KIAA1217: variants seen among roughly 807,000 people sequenced by gnomAD.
The protein encoded by KIAA1217 is sickle tail protein homolog.
KIAA1217 carries 88 observed loss-of-function variants against 163.9 expected under a neutral mutation model. The ratio of observed to expected loss-of-function variants is 0.54; its 90% CI spans 0.45 to 0.64. KIAA1217 has a LOEUF of 0.64. KIAA1217 is among the 30% of genes least tolerant of loss of function. The pLI, the probability that KIAA1217 is intolerant of heterozygous loss-of-function variation, is 0.00. For missense variants in KIAA1217, 2,372 were observed against 2,475.0 expected (o/e 0.96, Z 0.88); for synonymous variants, 903 against 923.1 (o/e 0.98, Z 0.39).
chr10:24,533,955 T>C (rs75936496), intron 16 of KIAA1217, among the ~76,000 whole-genome samples: 8,041 of 152,304 alleles, frequency 0.053, 287 homozygotes, highest in Non-Finnish European at 0.081. Flanking sequence ...ATCAGAGACA[T>C]ATAAACAATT....
intron 1 of KIAA1217, among the ~76,000 whole-genome samples, chr10:23,988,868 A>G (rs911908048): frequency 6.6e-6 from 1 of 152,220 alleles, no homozygotes; most frequent in Non-Finnish European, 1.5e-5. Context: ...CCTTGTCACA[A>G]TGATTTGTGA....
rs373416621 is a variant in KIAA1217, at chr10:24,543,258, G to A, written c.3988G>A (p.Val1330Met). The A allele has an allele frequency of 1.9e-5, 30 of 1,613,736 alleles. No individual in the cohort carries two copies. The highest frequency in any genetic ancestry group is 6.7e-5 in the East Asian group (3 of 44,838). ...TCACACTAGACTAACAGAATCAAGC[G>A]TGCATGATTTTAAAACAGAAGATCA... ...SSHTRLTESS[V>M]HDFKTEDQEV... is the part of the protein sequence containing the mutation. Residue 1330 changes from valine to methionine, a missense_variant, in exon 19 of 21, where the codon GTG (valine) becomes ATG (methionine). Physicochemically the swap from Val to Met is conservative, Grantham distance 21 (BLOSUM62 1). Transcript: ENST00000376454.
chr10:23,778,271 A>G (rs946469936), intron 1 of KIAA1217, among the ~76,000 whole-genome samples: 1 of 152,100 alleles, frequency 6.6e-6, no homozygotes. Flanking sequence ...AGGTAGACGC[A>G]CCAGTTGCTG....
At position 24,181,637 on chromosome 10, in the gene KIAA1217, C is replaced by G. The variant is rs180826196; in HGVS notation, c.-170-37989C>G. ...GTTCTAGAAGGTAACAAGAATGTAC[C>G]TGGAAAAATAATTAAGGGACATAAT... On this transcript the variant is annotated intron_variant, in intron 2 of 18. Transcript: ENST00000376462. 3.9e-5 allele frequency among the ~76,000 whole-genome samples: 6 copies of G among 152,144 alleles called. No individual in the cohort carries two copies. In the East Asian group the frequency reaches 1.2e-3, roughly 29 times the overall value.
At chr10:24,537,456 A>T (rs903636240) in intron 17 of KIAA1217, among the ~76,000 whole-genome samples, 1 of 151,970 alleles carries the variant, frequency 6.6e-6, no homozygotes, top group Non-Finnish European at 1.5e-5. Flanking sequence ...GGACACCTCT[A>T]TTCTCAGCTA....
intron 2 of KIAA1217, among the ~76,000 whole-genome samples, chr10:24,019,082 A>T (rs1340633489): frequency 6.6e-6 from 1 of 152,010 alleles, no homozygotes; most frequent in Non-Finnish European, 1.5e-5. Flanking sequence ...AAAAGGTACA[A>T]AGTTTCAGTT....
At chr10:23,858,995 A>G (rs1360607564) in intron 1 of KIAA1217, among the ~76,000 whole-genome samples, 1 of 152,230 alleles carries the variant, frequency 6.6e-6, no homozygotes, top group Non-Finnish European at 1.5e-5. Context: ...AAATGCAGGA[A>G]GAAATTTAAA....
At chr10:24,292,635 A>G (rs1237680422) in intron 2 of KIAA1217, among the ~76,000 whole-genome samples, 1 of 152,194 alleles carries the variant, frequency 6.6e-6, no homozygotes, top group Non-Finnish European at 1.5e-5. Context: ...CTATGGAATT[A>G]CATTTATAGC....
intron 1 of KIAA1217, among the ~76,000 whole-genome samples, chr10:23,962,834 G>A (rs1844874587): frequency 1.3e-5 from 2 of 152,128 alleles, no homozygotes; most frequent in South Asian, 4.1e-4. Context: ...ATATTTTTTA[G>A]AACGGAACAT....
chr10:24,104,782 AT>A (rs1362375671), intron 2 of KIAA1217, among the ~76,000 whole-genome samples: 1 of 152,144 alleles, frequency 6.6e-6, no homozygotes, highest in African/African-American at 2.4e-5. Context: ...GACTTTCTGG[AT>A]TTTCTGCTCA....
At chr10:23,739,012 A>G (rs1173618244) in intron 1 of KIAA1217, among the ~76,000 whole-genome samples, 1 of 152,224 alleles carries the variant, frequency 6.6e-6, no homozygotes, top group Admixed American at 6.5e-5. Context: ...GAGAAGGTAA[A>G]GAATGATTGG....
At chr10:24,010,444 A>T (rs1467209948) in intron 2 of KIAA1217, among the ~76,000 whole-genome samples, 3 of 151,882 alleles carry the variant, frequency 2.0e-5, no homozygotes, top group African/African-American at 7.2e-5. Flanking sequence ...AAGTTTTTTG[A>T]AAGTCAGAAA....
At chr10:24,156,968 T>A (rs1337654578) in intron 2 of KIAA1217, among the ~76,000 whole-genome samples, 1 of 152,214 alleles carries the variant, frequency 6.6e-6, no homozygotes, top group Non-Finnish European at 1.5e-5. Flanking sequence ...TGTCTTAACA[T>A]ACCTGATTAA....
intron 5 of KIAA1217, among the ~76,000 whole-genome samples, chr10:24,458,529 G>T (rs2062033123): frequency 6.6e-6 from 1 of 152,084 alleles, no homozygotes; most frequent in African/African-American, 2.4e-5. Context: ...AGGATTCAAA[G>T]GTCAGACCTC....
chr10:24,105,672 C>T (rs1334721565), intron 2 of KIAA1217, among the ~76,000 whole-genome samples: 1 of 152,170 alleles, frequency 6.6e-6, no homozygotes, highest in Non-Finnish European at 1.5e-5. Context: ...TCCTTCTGAG[C>T]AGAATAGTTG....
intron 2 of KIAA1217, among the ~76,000 whole-genome samples, chr10:24,094,868 G>C (rs1184254695): frequency 6.6e-6 from 1 of 152,166 alleles, no homozygotes; most frequent in Non-Finnish European, 1.5e-5. Flanking sequence ...AGGCTTTCTT[G>C]AGCTGTGGTG....
intron 5 of KIAA1217, among the ~76,000 whole-genome samples, chr10:24,462,514 G>T (rs1029788070): frequency 1.1e-4 from 17 of 152,200 alleles, no homozygotes; most frequent in South Asian, 6.2e-4. Flanking sequence ...GCAAACAACC[G>T]AGGAAGCTGG....
At chr10:24,322,737 A>G (rs920528639) in intron 2 of KIAA1217, among the ~76,000 whole-genome samples, 2 of 151,968 alleles carry the variant, frequency 1.3e-5, no homozygotes, top group Admixed American at 6.6e-5. Flanking sequence ...TCTGCGTCTC[A>G]CCTTGCAGGG....
chr10:24,422,513 C>T lies in KIAA1217; in HGVS notation c.554-10482C>T, dbSNP rs187131403. Among the ~76,000 whole-genome samples the T allele has an allele frequency of 7.9e-3, 1,199 of 152,282 alleles. 21 individuals carry two copies. The highest frequency in any genetic ancestry group is 0.028 in the African/African-American group (1,146 of 41,546). On this transcript the variant is annotated intron_variant, in intron 3 of 20. Coordinates refer to ENST00000376454, the MANE Select transcript of KIAA1217 (RefSeq NM_019590.5). ...GACTCAACTGATGTTGCTACAAGTT[C>T]TGTTGTGACTTTACATTATAGCTTC...
Sources: gnomAD v4.1 joint callset for allele counts (sites outside exome capture counted in the v4.1 genomes callset) on GRCh38, gnomAD v4.1.1 for gene constraint, MANE v1.5 for transcripts, NCBI Gene and HGNC (gene_info 2026-07-23, HGNC 2026-07-21) for gene names.